DNMT3A: variants seen among roughly 807,000 people sequenced by gnomAD.
The protein encoded by DNMT3A is DNA methyltransferase 3 alpha.
DNMT3A carries 267 observed loss-of-function variants against 117.6 expected under a neutral mutation model. The observed-to-expected ratio is 2.27, with a 90% CI of 2.05 to 2.51. DNMT3A has a LOEUF of 2.51. Ranked by LOEUF, DNMT3A falls within the 30% of genes most tolerant of loss-of-function variation. The pLI, the probability that DNMT3A is intolerant of heterozygous loss-of-function variation, is 0.00. For missense variants in DNMT3A, 1,029 were observed against 1,260.2 expected (o/e 0.82, Z 2.78); for synonymous variants, 432 against 474.8 (o/e 0.91, Z 1.17).
chr2:25,282,427 T>A lies in DNMT3A; in HGVS notation c.448+14A>T, dbSNP rs769741588. The A allele has an allele frequency of 2.5e-6, 4 of 1,610,528 alleles. No individual in the cohort carries two copies. In the South Asian group the frequency reaches 4.4e-5, roughly 18 times the overall value. On this transcript the variant is annotated intron_variant, in intron 4 of 22. Transcript: ENST00000321117. This position sits in a 1 kb window ranked among gnomAD's most constrained non-coding sequence, Gnocchi z 5.2. ...TGGGCCCAGAAGAGGCTGCCCCTGG[T>A]GCTGAGGACTCACCCGCTTCTGCAG...
chr2:25,267,294 C>T (rs1457496888), intron 6 of DNMT3A, among the ~76,000 whole-genome samples: 1 of 152,214 alleles, frequency 6.6e-6, no homozygotes, highest in Non-Finnish European at 1.5e-5. Context: ...AATTTTCAGG[C>T]CAGGTGTGGT....
intron 22 of DNMT3A, among the ~76,000 whole-genome samples, chr2:25,235,476 C>T (rs1217794027): frequency 6.6e-6 from 1 of 152,186 alleles, no homozygotes; most frequent in Non-Finnish European, 1.5e-5. Context: ...TGAGCCACTG[C>T]TCCTGGCCCC....
chr2:25,307,138 A>C (rs533231552), intron 2 of DNMT3A, among the ~76,000 whole-genome samples: 10 of 152,230 alleles, frequency 6.6e-5, no homozygotes, highest in Admixed American at 2.6e-4. Context: ...TGCAGAGAAC[A>C]CTCCTTTACA....
In DNMT3A at chr2:25,239,209, G is replaced by T. The variant is rs1172777420; in HGVS notation, c.2329C>A (p.Pro777Thr). ...RDISRFLESN[P>T]VMIDAKEVSA... The stretch of plus-strand genomic sequence containing the variant: ...ACTTCTTTGGCATCAATCATCACAG[G>T]GTTGGACTACAAAACAGGAGACGGT... Residue 777 changes from proline (P) to threonine (T), a missense_variant, in exon 20 of 23, where the codon CCT (proline) becomes ACT (threonine). Transcript: ENST00000321117. 1 of 1,613,742 alleles carries T rather than the reference G, an allele frequency of 6.2e-7. No individual in the cohort carries two copies. The highest frequency in any genetic ancestry group is 8.5e-7 in the Non-Finnish European group (1 of 1,179,842).
Position 25,243,901 on chromosome 2 carries a change from T to C in DNMT3A, c.1933A>G (p.Thr645Ala). Residue 645 changes from threonine to alanine, a missense_variant, in exon 16 of 23, where the codon ACA (threonine) becomes GCA (alanine). Thr to Ala is a moderately conservative substitution (Grantham distance 58). Transcript: ENST00000321117. ...RVLSLFDGIA[T>A]GLLVLKDLGI... ...CTCTTGGGCCTGCACCCCTCACCTG[T>C]AGCGATTCCATCAAAGAGAGACAGC... is the stretch of plus-strand genomic sequence containing the variant. 1.9e-6 allele frequency: 3 copies of C among 1,551,786 alleles called. No homozygotes were observed. The highest frequency in any genetic ancestry group is 1.7e-6 in the Non-Finnish European group (2 of 1,147,024).
In DNMT3A at chr2:25,230,106, G is replaced by A. The variant is rs530750337; in HGVS notation, c.*4173C>T. The A allele has an allele frequency of 4.6e-5, 7 of 152,336 alleles. No individual in the cohort carries two copies. Among genetic ancestry groups the A allele is most frequent in the East Asian group, 1.9e-4 (1 of 5,174 alleles). The allele number at this position is 152,336 out of a possible 1,614,324, so 9.4% of individuals were successfully genotyped here. A position where few individuals can be genotyped will look rare whatever the true frequency, so the allele number is the denominator to read the frequency against. ...CCTGTTTCAAAAGCTAACAGGTCCC[G>A]GGTGCTCTCTTGGAAAGTTTGCTTT... On this transcript the variant is annotated 3_prime_UTR_variant, in exon 23 of 23. Transcript: ENST00000321117.
chr2:25,341,497 C>T (rs1021306054), intron 1 of DNMT3A, among the ~76,000 whole-genome samples: 1 of 145,802 alleles, frequency 6.9e-6, no homozygotes, highest in Non-Finnish European at 1.5e-5. Context: ...AGGGGCCCCC[C>T]GCGGCATTGT....
rs950949484 is a variant in DNMT3A, at chr2:25,299,933, TA to T, written c.177+205del. Among the ~76,000 whole-genome samples, 16 of 151,888 alleles carry T rather than the reference TA, an allele frequency of 1.1e-4. No homozygotes were observed. The South Asian group carries it at 1.3e-3, about 12-fold the overall frequency. ...GCAACAGAGTGAGACTCCGTCTCAG[TA>T]AAAAAGTAAATAAATAAATAAGAAA... is the stretch of plus-strand genomic sequence containing the variant. On this transcript the variant is annotated intron_variant, in intron 3 of 22. Coordinates refer to ENST00000321117, the MANE Select transcript of DNMT3A (RefSeq NM_022552.5).
intron 1 of DNMT3A, among the ~76,000 whole-genome samples, chr2:25,334,441 C>A (rs1249530279): frequency 6.6e-6 from 1 of 152,150 alleles, no homozygotes; most frequent in Admixed American, 6.5e-5. Flanking sequence ...GTGTGGCCTC[C>A]CAAGAGGCTC....
At position 25,234,304 on chromosome 2, in the gene DNMT3A, A is replaced by T. The variant is rs751868166; in HGVS notation, c.2714T>A (p.Leu905Gln). The part of the protein sequence containing the change: ...VPVIRHLFAP[L>Q]KEYFACV ...TTACACACACGCAAAATACTCCTTC[A>T]GCGGAGCGAAGAGGTGGCGGATGAC... is the stretch of plus-strand genomic sequence containing the variant. Residue 905 changes from leucine (L) to glutamine (Q), a missense_variant, in exon 23 of 23, where the codon CTG becomes CAG. By Grantham distance (113) the Leu-to-Gln change is moderately radical. Transcript: ENST00000321117. The surrounding 1 kb of genome is among the most constrained non-coding windows in gnomAD (Gnocchi z 4.5). The T allele has an allele frequency of 6.2e-7, 1 of 1,613,948 alleles. No homozygotes were observed.
At position 25,244,265 on chromosome 2, in the gene DNMT3A, AGGG is replaced by A; in HGVS notation, c.1738_1740del (p.Pro580del). ...TTGTGCCCGCACATGTAGCAGTTCC[AGGG>A]GTCTTCCTTAATGGCTGCCTGGGCA... On this transcript the variant is annotated inframe_deletion, in exon 15 of 23. Coordinates refer to ENST00000321117, the MANE Select transcript of DNMT3A (RefSeq NM_022552.5). 6.2e-7 allele frequency: 1 copy of A among 1,613,784 alleles called. No homozygotes were observed. The highest frequency in any genetic ancestry group is 8.5e-7 in the Non-Finnish European group (1 of 1,179,900).
chr2:25,318,657 T>A (rs966278867), intron 1 of DNMT3A, among the ~76,000 whole-genome samples: 5 of 152,144 alleles, frequency 3.3e-5, no homozygotes, highest in Admixed American at 6.5e-5. Context: ...AATTATCATT[T>A]AAGTGTGAGA....
intron 1 of DNMT3A, among the ~76,000 whole-genome samples, chr2:25,331,388 T>C (rs2035007374): frequency 6.6e-6 from 1 of 152,258 alleles, no homozygotes; most frequent in Non-Finnish European, 1.5e-5. Flanking sequence ...GGAACAGTTT[T>C]TGCTTCTTTT....
intron 1 of DNMT3A, among the ~76,000 whole-genome samples, chr2:25,315,994 G>A (rs139953126): frequency 2.1e-4 from 32 of 152,308 alleles, no homozygotes; most frequent in African/African-American, 6.7e-4. Flanking sequence ...AGGCTTCCCC[G>A]GCCCTCAGTT....
rs1674465974 is a variant in DNMT3A, at chr2:25,244,338, C to A, written c.1668G>T (p.Arg556Ser). ...VLMCGNNNCC[R>S]CFCVECVDLL... ...GGTCCACACACTCCACGCAAAAGCA[C>A]CTGGAAGGAGACCCAGTGAGCAGAG... The change falls in exon 15 of 23, where the codon AGG (arginine) becomes AGT (serine). Residue 556 changes from arginine to serine, a missense_variant and splice_region_variant. Transcript: ENST00000321117. The A allele has an allele frequency of 4.4e-6, 7 of 1,602,046 alleles. No homozygotes were observed. Among genetic ancestry groups the A allele is most frequent in the Non-Finnish European group, 6.0e-6 (7 of 1,174,564 alleles).
At chr2:25,333,289 C>CGTG (rs1423354032) in intron 1 of DNMT3A, among the ~76,000 whole-genome samples, 3 of 151,552 alleles carry the variant, frequency 2.0e-5, no homozygotes, top group Non-Finnish European at 4.4e-5. Context: ...TTCCCCTCAC[C>CGTG]GTGAGGGGCC....
chr2:25,249,570 G>C, intron 6 of DNMT3A: 6 of 1,450,430 alleles, frequency 4.1e-6, no homozygotes, highest in Non-Finnish European at 5.8e-6. Flanking sequence ...AGGCACTATA[G>C]ACCAGGCGTG....
In DNMT3A at chr2:25,236,067, CTTT is replaced by C. The variant is rs1365266786; in HGVS notation, c.2479-245_2479-243del. Among the ~76,000 whole-genome samples the C allele has an allele frequency of 2.1e-5, 3 of 142,168 alleles. No homozygotes were observed. The highest frequency in any genetic ancestry group is 3.1e-5 in the Non-Finnish European group (2 of 64,502). The allele number at this position is 142,168 out of a possible 152,430, so 93.3% of individuals were successfully genotyped here. A position where few individuals can be genotyped will look rare whatever the true frequency, so the allele number is the denominator to read the frequency against. On this transcript the variant is annotated intron_variant, in intron 21 of 22. Transcript: ENST00000321117. The surrounding 1 kb of genome is among the most constrained non-coding windows in gnomAD (Gnocchi z 4.5). Reference sequence around the variant, plus strand: ...AATCTTAGATCCATCTAGCCACAGACTTTTTTTTTTTTTTTTGAGACGGAGTCT... The same window carrying C: ...AATCTTAGATCCATCTAGCCACAGACTTTTTTTTTTTTTGAGACGGAGTCT...
At chr2:25,275,245 G>T (rs1177154191) in intron 5 of DNMT3A, among the ~76,000 whole-genome samples, 158 bp from the exon 6 acceptor site, 1 of 152,204 alleles carries the variant, frequency 6.6e-6, no homozygotes, top group Non-Finnish European at 1.5e-5. Context: ...GGAGCGAGGG[G>T]CATGTGTGGC....
Sources: gnomAD v4.1 joint callset for allele counts (sites outside exome capture counted in the v4.1 genomes callset) on GRCh38, gnomAD v4.1.1 for gene constraint, Gnocchi (gnomAD v3.1) non-coding constraint, MANE v1.5 for transcripts, NCBI Gene and HGNC (gene_info 2026-07-23, HGNC 2026-07-21) for gene names.